Variants in NQO1 observed in about 807,000 individuals in gnomAD.
NQO1 encodes the protein NAD(P)H dehydrogenase [quinone] 1.
Under a neutral mutation model 32.1 loss-of-function variants are expected in NQO1, and 30 were observed. The ratio of observed to expected loss-of-function variants is 0.94; its 90% CI spans 0.70 to 1.27. The LOEUF is 1.27. Among genes scored for constraint, NQO1 ranks in the 50% most tolerant of loss-of-function variants. The pLI is 0.00. For synonymous variants in NQO1, 109 were observed against 119.7 expected (o/e 0.91, Z 0.59); for missense variants, 276 against 331.3 (o/e 0.83, Z 1.30).
chr16:69,720,583 T>C (rs1281103770), intron 1 of NQO1, among the ~76,000 whole-genome samples: 1 of 150,802 alleles, frequency 6.6e-6, no homozygotes, highest in Admixed American at 6.6e-5. Context: ...CAGGCTGGAG[T>C]GCAGTGGCAT....
intron 1 of NQO1, among the ~76,000 whole-genome samples, chr16:69,723,038 C>T (rs1389908691): frequency 1.3e-5 from 2 of 152,176 alleles, no homozygotes; most frequent in African/African-American, 4.8e-5. Context: ...CGCCATTCTC[C>T]TGCCTCAGCC....
chr16:69,718,196 T>A lies in NQO1; in HGVS notation c.230A>T (p.Lys77Ile). 3.1e-6 allele frequency: 5 copies of A among 1,614,174 alleles called. No homozygotes were observed. The highest frequency in any genetic ancestry group is 4.2e-6 in the Non-Finnish European group (5 of 1,180,006). Residue 77 changes from lysine (K) to isoleucine (I), a missense_variant, in exon 3 of 6, where the codon AAA becomes ATA. Transcript: ENST00000320623. ...AATATCTGGGCTCAGATGGCCTTCT[T>A]TATAAGCCAGAACAGACTCGGCAGG... ...QYPAESVLAY[K>I]EGHLSPDIVA... is the part of the protein sequence containing the mutation.
At chr16:69,713,909 T>G (rs1451120145) in intron 4 of NQO1, among the ~76,000 whole-genome samples, 1 of 148,422 alleles carries the variant, frequency 6.7e-6, no homozygotes, top group Non-Finnish European at 1.5e-5. Context: ...GGAGGCTCGC[T>G]CTGTCACCCA....
chr16:69,721,660 AGT>A (rs1169911549), intron 1 of NQO1, among the ~76,000 whole-genome samples: 1 of 151,958 alleles, frequency 6.6e-6, no homozygotes, highest in East Asian at 1.9e-4. Flanking sequence ...AAGTTACCCA[AGT>A]GTGTAGTCAT....
At chr16:69,721,959 C>G (rs2038197259) in intron 1 of NQO1, among the ~76,000 whole-genome samples, 1 of 151,868 alleles carries the variant, frequency 6.6e-6, no homozygotes, top group Admixed American at 6.6e-5. Flanking sequence ...GCCGTGATCA[C>G]ACCACTGTAC....
intron 5 of NQO1, among the ~76,000 whole-genome samples, chr16:69,711,919 G>A (rs2038047269): frequency 6.6e-6 from 1 of 151,960 alleles, no homozygotes; most frequent in Non-Finnish European, 1.5e-5. Flanking sequence ...CTCCCAAAGT[G>A]CTGGGATTAC....
intron 1 of NQO1, among the ~76,000 whole-genome samples, chr16:69,721,463 G>A (rs1166565005): frequency 6.6e-6 from 1 of 152,164 alleles, no homozygotes; most frequent in Non-Finnish European, 1.5e-5. Flanking sequence ...AGCCAAACCT[G>A]CCAGCACCTT....
In NQO1 at chr16:69,714,978, T is replaced by C. The variant is rs1597598181; in HGVS notation, c.403A>G (p.Lys135Glu). 6.2e-7 allele frequency: 1 copy of C among 1,613,106 alleles called. No individual in the cohort carries two copies. The highest frequency in any genetic ancestry group is 8.5e-7 in the Non-Finnish European group (1 of 1,179,366). ...CATCCACCTACCCGGAAGGGTCCTT[T>C]GTCATACATGGCAGCGTAAGTGTAA... ...FAYTYAAMYD[K>E]GPFRSKKAVL... The change falls in exon 4 of 6, where the codon AAA becomes GAA. Residue 135 changes from lysine to glutamate, a missense_variant. Physicochemically the swap from Lys to Glu is moderately conservative, Grantham distance 56. Coordinates refer to ENST00000320623, the MANE Select transcript of NQO1 (RefSeq NM_000903.3).
chr16:69,716,825 C>G (rs2151744658), intron 3 of NQO1, among the ~76,000 whole-genome samples: 1 of 152,182 alleles, frequency 6.6e-6, no homozygotes, highest in East Asian at 1.9e-4. Context: ...GTGGTGTGCA[C>G]TGATAGTCCC....
Position 69,710,355 on chromosome 16 carries a change from A to T in NQO1, c.*621T>A, listed in dbSNP as rs1333307462. On this transcript the variant is annotated 3_prime_UTR_variant, in exon 6 of 6. Transcript: ENST00000320623. ...CAAAAAAAAATTTTTTTTAATTAAA[A>T]AAAAAGTAGATGACTGCAGCAAAGA... 2 of 151,674 alleles carry T rather than the reference A, an allele frequency of 1.3e-5. No homozygotes were observed. The allele number at this position is 151,674 out of a possible 1,614,324, so 9.4% of individuals were successfully genotyped here.
At chr16:69,716,850 C>G (rs2038119590) in intron 3 of NQO1, among the ~76,000 whole-genome samples, 1 of 152,060 alleles carries the variant, frequency 6.6e-6, no homozygotes, top group South Asian at 2.1e-4. Flanking sequence ...ATTCGGGAGA[C>G]TGAGGTGGGA....
At chr16:69,720,101 G>A (rs1228539829) in intron 1 of NQO1, among the ~76,000 whole-genome samples, 5 of 151,902 alleles carry the variant, frequency 3.3e-5, no homozygotes, top group African/African-American at 4.8e-5. Flanking sequence ...TCTACAAAAC[G>A]TACAAAAATT....
chr16:69,709,764 A>C lies in NQO1; in HGVS notation c.*1212T>G, dbSNP rs1220279772. 1 of 398,462 alleles carries C rather than the reference A, an allele frequency of 2.5e-6. No homozygotes were observed. The highest frequency in any genetic ancestry group is 4.4e-6 in the Non-Finnish European group (1 of 226,062). The allele number at this position is 398,462 out of a possible 1,614,324, so 24.7% of individuals were successfully genotyped here. On this transcript the variant is annotated 3_prime_UTR_variant, in exon 6 of 6. Transcript: ENST00000320623. ...GAATGAGATGACTTCCAGAAGTAGA[A>C]ATTGACTATTATGCCAAAACTGTTC... is the stretch of plus-strand genomic sequence containing the variant.
chr16:69,722,786 C>G (rs1245199239), intron 1 of NQO1, among the ~76,000 whole-genome samples: 1 of 152,166 alleles, frequency 6.6e-6, no homozygotes, highest in Non-Finnish European at 1.5e-5. Flanking sequence ...GAGGCTGCCT[C>G]AACAAATTCC....
chr16:69,717,323 A>C (rs1382789728), intron 3 of NQO1, among the ~76,000 whole-genome samples: 1 of 152,200 alleles, frequency 6.6e-6, no homozygotes. Context: ...GGTTTGCTGC[A>C]GGAACACATT....
chr16:69,719,324 G>A (rs2038160021), intron 1 of NQO1, among the ~76,000 whole-genome samples: 1 of 152,112 alleles, frequency 6.6e-6, no homozygotes, highest in Non-Finnish European at 1.5e-5. Context: ...CAATTTGGGG[G>A]AATCTGTTCT....
chr16:69,713,163 C>T, intron 4 of NQO1, 34 bp from the exon 5 acceptor site: 1 of 1,444,638 alleles, frequency 6.9e-7, no homozygotes, highest in Non-Finnish European at 9.7e-7. Context: ...AACTTCACTT[C>T]CCTCCACATC....
At chr16:69,716,972 G>A (rs1400697004) in intron 3 of NQO1, among the ~76,000 whole-genome samples, 1 of 151,578 alleles carries the variant, frequency 6.6e-6, no homozygotes, top group Non-Finnish European at 1.5e-5. Flanking sequence ...TTTTAAAGCC[G>A]TCCTTTGGGG....
intron 5 of NQO1, among the ~76,000 whole-genome samples, chr16:69,711,968 G>A (rs1353191214): frequency 6.6e-6 from 1 of 151,992 alleles, no homozygotes; most frequent in Admixed American, 6.6e-5. Flanking sequence ...TTCATAAGTG[G>A]CCACTCACTG....
Sources: gnomAD v4.1 joint callset for allele counts (sites outside exome capture counted in the v4.1 genomes callset) on GRCh38, gnomAD v4.1.1 for gene constraint, MANE v1.5 for transcripts, NCBI Gene and HGNC (gene_info 2026-07-23, HGNC 2026-07-21) for gene names.